The following COL25A1 variants were observed in gnomAD, a reference collection of about 807,000 sequenced individuals.
COL25A1 encodes collagen alpha-1(XXV) chain.
Under a neutral mutation model 128.4 loss-of-function variants are expected in COL25A1, and 103 were observed. The ratio of observed to expected loss-of-function variants is 0.80; its 90% CI spans 0.68 to 0.94. The LOEUF is 0.94. COL25A1 is among the 40% of genes least tolerant of loss of function. The pLI, the probability that COL25A1 is intolerant of heterozygous loss-of-function variation, is 0.00. For missense variants in COL25A1, 745 were observed against 840.0 expected, an observed-to-expected ratio of 0.89 and a Z score of 1.40; for synonymous variants, 279 against 277.2, an observed-to-expected ratio of 1.01 and a Z score of -0.06.
chr4:108,956,466 C>A (rs1032416824), intron 8 of COL25A1, among the ~76,000 whole-genome samples: 1 of 152,166 alleles, frequency 6.6e-6, no homozygotes, highest in African/African-American at 2.4e-5. Context: ...AGTGCAATGG[C>A]GCAATCTTTG....
chr4:109,268,947 T>TA (rs1331788661), intron 3 of COL25A1, among the ~76,000 whole-genome samples: 1 of 152,056 alleles, frequency 6.6e-6, no homozygotes, highest in Non-Finnish European at 1.5e-5. Flanking sequence ...TTTTTTTTTT[T>TA]ATACTTTAAG....
intron 20 of COL25A1, among the ~76,000 whole-genome samples, chr4:108,865,184 CAGACTGTTGATGA>C (rs1269094634): frequency 6.6e-6 from 1 of 152,154 alleles, no homozygotes; most frequent in African/African-American, 2.4e-5. Context: ...ATTTAGAATT[CAGACTGTTGATGA>C]CATATTTATG....
intron 11 of COL25A1, among the ~76,000 whole-genome samples, chr4:108,936,884 T>C (rs1181739916): frequency 1.3e-5 from 2 of 150,836 alleles, no homozygotes; most frequent in African/African-American, 2.4e-5. Context: ...GCTCAAGTGA[T>C]CCTCCCCTCG....
intron 3 of COL25A1, among the ~76,000 whole-genome samples, chr4:109,083,992 A>G (rs962631616): frequency 2.0e-5 from 3 of 152,182 alleles, no homozygotes; most frequent in African/African-American, 4.8e-5. Context: ...TACATGTAGC[A>G]TTTTGTTTTG....
intron 5 of COL25A1, among the ~76,000 whole-genome samples, chr4:109,046,696 G>T (rs574551720): frequency 2.8e-4 from 43 of 152,286 alleles, no homozygotes; most frequent in African/African-American, 1.0e-3. Flanking sequence ...CCTTGAACGT[G>T]GCAGGAAGAC....
intron 3 of COL25A1, among the ~76,000 whole-genome samples, chr4:109,056,044 T>C (rs960896653): frequency 2.0e-5 from 3 of 152,202 alleles, no homozygotes; most frequent in Non-Finnish European, 4.4e-5. Context: ...TTAATCATAA[T>C]AAATAATAGG....
At chr4:109,300,184 A>C (rs545472023) in intron 3 of COL25A1, among the ~76,000 whole-genome samples, 55 of 150,216 alleles carry the variant, frequency 3.7e-4, no homozygotes, top group South Asian at 2.9e-3. Flanking sequence ...ACCAAAACAA[A>C]AAAAAAAAAA....
chr4:109,201,797 T>C (rs140800972), intron 3 of COL25A1, among the ~76,000 whole-genome samples: 9 of 152,240 alleles, frequency 5.9e-5, no homozygotes, highest in African/African-American at 2.2e-4. Context: ...TTGCAGGATA[T>C]AAAGTTAAAA....
At position 109,250,126 on chromosome 4, in the gene COL25A1, T is replaced by C. The variant is rs1780548998; in HGVS notation, c.367+50457A>G. On this transcript the variant is annotated intron_variant, in intron 3 of 37. Coordinates refer to ENST00000399132, the MANE Select transcript of COL25A1 (RefSeq NM_198721.4). Reference sequence around the variant, plus strand: ...CCCCATGCTGGTATGATGAGCTCTTTGTCCTGGGGTAACAAATTTAAACTT... The same window carrying C: ...CCCCATGCTGGTATGATGAGCTCTTCGTCCTGGGGTAACAAATTTAAACTT... Among the ~76,000 whole-genome samples, 4 of 152,170 alleles carry C rather than the reference T, an allele frequency of 2.6e-5. No individual in the cohort carries two copies. In the South Asian group the frequency reaches 8.3e-4, roughly 32 times the overall value.
chr4:108,953,555 G>T (rs62314627), intron 8 of COL25A1, among the ~76,000 whole-genome samples: 2 of 152,166 alleles, frequency 1.3e-5, no homozygotes, highest in African/African-American at 4.8e-5. Context: ...TAAGACAAAA[G>T]GAAGTGGGGA....
chr4:108,933,262 T>C (rs963819944), intron 11 of COL25A1, among the ~76,000 whole-genome samples: 1 of 152,100 alleles, frequency 6.6e-6, no homozygotes, highest in African/African-American at 2.4e-5. Context: ...TTATAACAAC[T>C]CTCTAGTGCC....
At chr4:109,020,128 T>C (rs1757588956) in intron 5 of COL25A1, among the ~76,000 whole-genome samples, 1 of 152,184 alleles carries the variant, frequency 6.6e-6, no homozygotes, top group African/African-American at 2.4e-5. Flanking sequence ...TTATGGATTA[T>C]GTGTATTAAT....
intron 31 of COL25A1, chr4:108,834,227 C>T (rs1267478807): frequency 6.3e-6 from 6 of 946,650 alleles, no homozygotes; most frequent in Non-Finnish European, 9.6e-6. Flanking sequence ...TGTCCACCTT[C>T]CCCTTTTACT....
intron 11 of COL25A1, among the ~76,000 whole-genome samples, chr4:108,929,755 GT>G (rs1746511913): frequency 6.6e-6 from 1 of 152,124 alleles, no homozygotes; most frequent in African/African-American, 2.4e-5. Context: ...GAACCCAGGA[GT>G]TTGAGGCTGA....
At chr4:109,090,453 A>G (rs1764795562) in intron 3 of COL25A1, among the ~76,000 whole-genome samples, 1 of 152,180 alleles carries the variant, frequency 6.6e-6, no homozygotes, top group Admixed American at 6.5e-5. Flanking sequence ...TGCATTTATC[A>G]AAAAGTCAAG....
intron 24 of COL25A1, among the ~76,000 whole-genome samples, chr4:108,853,432 T>C (rs966891363): frequency 5.9e-5 from 9 of 152,002 alleles, no homozygotes; most frequent in African/African-American, 1.9e-4. Flanking sequence ...TTAGTCGACA[T>C]AGAATTAATC....
chr4:109,281,847 G>T (rs140195389), intron 3 of COL25A1, among the ~76,000 whole-genome samples: 2 of 151,966 alleles, frequency 1.3e-5, no homozygotes, highest in African/African-American at 4.8e-5. Flanking sequence ...ACTATAAGAG[G>T]GTGTTTTCTT....
At chr4:109,154,791 A>G (rs1274838047) in intron 3 of COL25A1, among the ~76,000 whole-genome samples, 1 of 152,240 alleles carries the variant, frequency 6.6e-6, no homozygotes, top group East Asian at 1.9e-4. Flanking sequence ...ATAATATGAA[A>G]GAAAGTCTTT....
intron 19 of COL25A1, among the ~76,000 whole-genome samples, chr4:108,879,929 C>T (rs1286145702): frequency 1.3e-5 from 2 of 152,072 alleles, no homozygotes; most frequent in Admixed American, 1.3e-4. Flanking sequence ...TTGTCTCAGC[C>T]TCCCCACTAG....
Sources: allele counts gnomAD v4.1 joint callset (sites outside exome capture counted in the v4.1 genomes callset), GRCh38; gene constraint gnomAD v4.1.1; transcripts MANE v1.5; gene names NCBI Gene and HGNC (gene_info 2026-07-23, HGNC 2026-07-21).